The following GRIN2B variants were observed in gnomAD, a reference collection of about 807,000 sequenced individuals.
The protein encoded by GRIN2B is glutamate ionotropic receptor NMDA type subunit 2B, also known as glutamate receptor ionotropic, NMDA 2B.
In GRIN2B, 5 loss-of-function variants were observed where a neutral mutation model predicts 114.5. The observed-to-expected ratio is 0.04, with a 90% confidence interval of 0.02 to 0.09. The LOEUF is 0.09. Among genes scored for constraint, GRIN2B ranks in the 10% least tolerant of loss-of-function variants. The pLI is 1.00. For synonymous variants in GRIN2B, 787 were observed against 745.1 expected (o/e 1.06, Z -0.92); for missense variants, 1,108 against 1,943.5 (o/e 0.57, Z 8.08).
intron 3 of GRIN2B, among the ~76,000 whole-genome samples, chr12:13,851,247 C>T (rs946323978): frequency 3.3e-5 from 5 of 152,232 alleles, no homozygotes; most frequent in African/African-American, 1.2e-4. Context: ...ATTTCAGCGT[C>T]TCTAATTCCA....
intron 3 of GRIN2B, among the ~76,000 whole-genome samples, chr12:13,775,329 G>A (rs1005748296): frequency 6.6e-6 from 1 of 152,150 alleles, no homozygotes; most frequent in Non-Finnish European, 1.5e-5. Flanking sequence ...TCCAGGTAGG[G>A]ACCAGACTCC....
intron 5 of GRIN2B, among the ~76,000 whole-genome samples, chr12:13,651,828 C>A (rs1020658117): frequency 6.6e-6 from 1 of 152,056 alleles, no homozygotes; most frequent in Non-Finnish European, 1.5e-5. Flanking sequence ...TTGATATTTG[C>A]GTAATCCTGA....
At chr12:13,785,277 C>G (rs1458853413) in intron 3 of GRIN2B, among the ~76,000 whole-genome samples, 1 of 152,232 alleles carries the variant, frequency 6.6e-6, no homozygotes, top group East Asian at 1.9e-4. Context: ...TTAACCCCAT[C>G]TGCATAATAT....
At chr12:13,958,515 A>G (rs1156651019) in intron 2 of GRIN2B, among the ~76,000 whole-genome samples, 3 of 152,118 alleles carry the variant, frequency 2.0e-5, no homozygotes, top group Non-Finnish European at 4.4e-5. Flanking sequence ...AGCTGGGTGT[A>G]CCCCCATAGG....
At chr12:13,569,747 G>A in intron 12 of GRIN2B, 83 bp downstream of exon 12, 3 of 886,972 alleles carry the variant, frequency 3.4e-6, no homozygotes, top group Non-Finnish European at 5.3e-6. Flanking sequence ...ACAGGTTAAA[G>A]AAATGGAAGA....
intron 3 of GRIN2B, among the ~76,000 whole-genome samples, chr12:13,780,334 G>C (rs1462328298): frequency 1.3e-5 from 2 of 151,884 alleles, no homozygotes; most frequent in African/African-American, 4.8e-5. Flanking sequence ...CAAGCTCTGT[G>C]CCTGAATTCT....
In GRIN2B at chr12:13,923,399, G is replaced by A. The variant is rs183301971; in HGVS notation, c.-19+56529C>T. ...ACCTAACCTTAGAACTAAGGTGAAG[G>A]CAGAGAATCAGACATGAAATTGCAA... is the stretch of plus-strand genomic sequence containing the variant. On this transcript the variant is annotated intron_variant, in intron 2 of 13. Coordinates refer to ENST00000609686, the MANE Select transcript of GRIN2B (RefSeq NM_000834.5). 3.2e-3 allele frequency among the ~76,000 whole-genome samples: 491 copies of A among 152,274 alleles called. 2 individuals carry two copies. Among genetic ancestry groups the A allele is most frequent in the Middle Eastern group, 0.02 (6 of 294 alleles).
intron 3 of GRIN2B, among the ~76,000 whole-genome samples, chr12:13,826,019 G>T (rs958025916): frequency 9.3e-5 from 14 of 150,582 alleles, no homozygotes; most frequent in African/African-American, 3.4e-4. Flanking sequence ...TCTAGTCTTT[G>T]TTTCTTCTTT....
Position 13,553,329 on chromosome 12 carries a change from T to C in GRIN2B, c.*9454A>G, listed in dbSNP as rs1174194464. ...TATATTTACAGAGAAAGGAGTAGTT[T>C]AGAGACTAGCATTCTCTCTGAGCCA... On this transcript the variant is annotated 3_prime_UTR_variant, in exon 14 of 14. Coordinates refer to ENST00000609686, the MANE Select transcript of GRIN2B (RefSeq NM_000834.5). 6.6e-6 allele frequency: 1 copy of C among 152,208 alleles called. No homozygotes were observed. The highest frequency in any genetic ancestry group is 1.5e-5 in the Non-Finnish European group (1 of 68,034). The allele number at this position is 152,208 out of a possible 1,614,324, so 9.4% of individuals were successfully genotyped here.
chr12:13,904,221 CTCTT>C (rs1461766264), intron 2 of GRIN2B, among the ~76,000 whole-genome samples: 1 of 151,754 alleles, frequency 6.6e-6, no homozygotes, highest in Admixed American at 6.6e-5. Context: ...TCTTCTTTCT[CTCTT>C]TCTTTCCTTT....
At chr12:13,640,864 TA>T (rs1426240515) in intron 5 of GRIN2B, among the ~76,000 whole-genome samples, 4 of 151,970 alleles carry the variant, frequency 2.6e-5, no homozygotes, top group African/African-American at 9.6e-5. Flanking sequence ...TAATGAGGTT[TA>T]AAAAAAATTT....
intron 4 of GRIN2B, among the ~76,000 whole-genome samples, chr12:13,714,735 T>A (rs1950441169): frequency 6.6e-6 from 1 of 151,886 alleles, no homozygotes; most frequent in Non-Finnish European, 1.5e-5. Flanking sequence ...AATCACCTAA[T>A]TTTTTTATTA....
chr12:13,641,595 C>T (rs936899080), intron 5 of GRIN2B, among the ~76,000 whole-genome samples: 2 of 152,094 alleles, frequency 1.3e-5, no homozygotes, highest in African/African-American at 4.8e-5. Context: ...AGACTTTAGC[C>T]TACACTTTAA....
chr12:13,736,591 T>C (rs968860405), intron 4 of GRIN2B, among the ~76,000 whole-genome samples: 1 of 152,146 alleles, frequency 6.6e-6, no homozygotes, highest in Non-Finnish European at 1.5e-5. Context: ...AACGTCTATT[T>C]ACTTTCAAAT....
intron 2 of GRIN2B, among the ~76,000 whole-genome samples, chr12:13,978,171 T>C (rs1175416458): frequency 6.6e-6 from 1 of 152,218 alleles, no homozygotes; most frequent in Non-Finnish European, 1.5e-5. Flanking sequence ...CATCTGTATG[T>C]ATGAAAGCAT....
At chr12:13,778,809 TTA>T (rs1445157745) in intron 3 of GRIN2B, among the ~76,000 whole-genome samples, 1 of 152,222 alleles carries the variant, frequency 6.6e-6, no homozygotes, top group Non-Finnish European at 1.5e-5. Context: ...ATTCTTCGTT[TTA>T]TATTTTGGTC....
At position 13,651,510 on chromosome 12, in the gene GRIN2B, C is replaced by T. The variant is rs139065825; in HGVS notation, c.1125+24235G>A. Among the ~76,000 whole-genome samples, 118 of 152,152 alleles carry T rather than the reference C, an allele frequency of 7.8e-4. 1 individual carries two copies. Among genetic ancestry groups the T allele is most frequent in the Middle Eastern group, 3.4e-3 (1 of 294 alleles). ...CTTTATATTCAGCATAAAATGGTGG[C>T]TCAATGAATATTAGCTGATTGATTG... On this transcript the variant is annotated intron_variant, in intron 5 of 13. Coordinates refer to ENST00000609686, the MANE Select transcript of GRIN2B (RefSeq NM_000834.5).
At chr12:13,646,851 T>C (rs1269836018) in intron 5 of GRIN2B, among the ~76,000 whole-genome samples, 1 of 152,022 alleles carries the variant, frequency 6.6e-6, no homozygotes, top group African/African-American at 2.4e-5. Flanking sequence ...TTAACACACT[T>C]GAGAAAGAGA....
At chr12:13,692,760 C>CTTTTT (rs71067718) in intron 4 of GRIN2B, among the ~76,000 whole-genome samples, 29 of 52,108 alleles carry the variant, frequency 5.6e-4, no homozygotes, top group African/African-American at 1.6e-3. Flanking sequence ...TCTTTCTTTT[C>CTTTTT]TTTTTTTTTT....
Sources: allele counts gnomAD v4.1 joint callset (sites outside exome capture counted in the v4.1 genomes callset), GRCh38; gene constraint gnomAD v4.1.1; transcripts MANE v1.5; gene names NCBI Gene and HGNC (gene_info 2026-07-23, HGNC 2026-07-21).